Variants in JPH3 observed in about 807,000 individuals in gnomAD.
JPH3 encodes junctophilin-3.
In JPH3, 11 loss-of-function variants were observed where a neutral mutation model predicts 59.6. The ratio of observed to expected loss-of-function variants is 0.18; its 90% CI spans 0.12 to 0.31. The LOEUF (loss-of-function observed/expected upper bound fraction) is 0.31, where lower values mean the gene tolerates loss of function less well. Ranked by LOEUF, JPH3 falls within the 10% of genes least tolerant of loss-of-function variation. The pLI is 1.00. For synonymous variants in JPH3, 673 were observed against 483.6 expected (o/e 1.39, Z -5.14); for missense variants, 1,202 against 1,105.7 (o/e 1.09, Z -1.24).
chr16:87,657,277 A>G (rs4843661), intron 2 of JPH3, among the ~76,000 whole-genome samples: 36,549 of 152,244 alleles, frequency 0.24, 4,796 homozygotes, highest in East Asian at 0.37. Context: ...TGAATGAGCC[A>G]GAGAAAGTGA....
intron 2 of JPH3, chr16:87,654,638 T>G (rs4843655): frequency 0.041 from 6,203 of 152,302 alleles, 174 homozygotes; most frequent in South Asian, 0.11. Flanking sequence ...GATGCTCAGG[T>G]CATCCCTGCC....
At chr16:87,628,545 A>C (rs888446788) in intron 1 of JPH3, among the ~76,000 whole-genome samples, 19 of 152,330 alleles carry the variant, frequency 1.2e-4, no homozygotes, top group African/African-American at 4.6e-4. Context: ...TTGGAAGCAG[A>C]CATGCCTGTA....
At chr16:87,640,163 C>G (rs1167392911) in intron 1 of JPH3, among the ~76,000 whole-genome samples, 2 of 152,068 alleles carry the variant, frequency 1.3e-5, no homozygotes, top group Non-Finnish European at 2.9e-5. Flanking sequence ...CCTGTCTCTA[C>G]TAAAAACAGA....
chr16:87,631,105 T>G (rs2031551966), intron 1 of JPH3, among the ~76,000 whole-genome samples: 1 of 152,222 alleles, frequency 6.6e-6, no homozygotes. Flanking sequence ...CAGCTTGCAC[T>G]TGAGCAAACC....
chr16:87,646,094 G>A lies in JPH3; in HGVS notation c.1160+1059G>A, dbSNP rs12448745. Among the ~76,000 whole-genome samples, 399 of 152,202 alleles carry A rather than the reference G, an allele frequency of 2.6e-3. 1 individual carries two copies. The highest frequency in any genetic ancestry group is 9.0e-3 in the African/African-American group (374 of 41,512). On this transcript the variant is annotated intron_variant, in intron 2 of 4. Coordinates refer to ENST00000284262, the MANE Select transcript of JPH3 (RefSeq NM_020655.4). ...CCAGGCAGGAGGCTTCCCAGGGCAC[G>A]TTCCCCTGCGTCTTTCTGGATGGCT...
intron 1 of JPH3, among the ~76,000 whole-genome samples, chr16:87,620,464 GGGAGAGAA>G (rs1200089182): frequency 4.9e-5 from 7 of 141,680 alleles, no homozygotes; most frequent in Admixed American, 3.5e-4. Flanking sequence ...AGGAGAGAGA[GGGAGAGAA>G]GGAGAGAAGA....
chr16:87,690,401 C>T lies in JPH3; in HGVS notation c.2041C>T (p.Leu681=), dbSNP rs754263855. The change falls in exon 4 of 5, where the codon CTG becomes TTG. Residue 681 remains leucine (L), a synonymous_variant. Coordinates refer to ENST00000284262, the MANE Select transcript of JPH3 (RefSeq NM_020655.4). ...GCCCGCCGTGCAGAAACTGGCGAGC[C>T]TGCGGCTGGGCGGGGCCGAGCCCCG... ...AEPAVQKLAS[L]RLGGAEPRLL... is the part of the protein sequence containing the mutation. 41 of 1,513,126 alleles carry T rather than the reference C, an allele frequency of 2.7e-5. No individual in the cohort carries two copies. The highest frequency in any genetic ancestry group is 3.6e-5 in the Non-Finnish European group (41 of 1,132,902). 93.7% of individuals were successfully genotyped at this position (1,513,126 alleles called of 1,614,324 possible).
At chr16:87,634,176 C>T (rs996410204) in intron 1 of JPH3, among the ~76,000 whole-genome samples, 6 of 152,270 alleles carry the variant, frequency 3.9e-5, no homozygotes, top group African/African-American at 1.4e-4. Flanking sequence ...GTCTGTTGGC[C>T]AGCGCAGGGC....
chr16:87,672,892 C>G (rs1218299011), intron 2 of JPH3, among the ~76,000 whole-genome samples: 4 of 152,208 alleles, frequency 2.6e-5, no homozygotes, highest in African/African-American at 4.8e-5. Context: ...TGCCTATAAT[C>G]TCAGCACTTT....
At chr16:87,629,228 G>A (rs2025488233) in intron 1 of JPH3, among the ~76,000 whole-genome samples, 3 of 152,318 alleles carry the variant, frequency 2.0e-5, no homozygotes, top group South Asian at 2.1e-4. Context: ...TCCTTCAGAC[G>A]CGGCAGCTGG....
At chr16:87,641,176 G>T (rs1318526317) in intron 1 of JPH3, among the ~76,000 whole-genome samples, 1 of 152,238 alleles carries the variant, frequency 6.6e-6, no homozygotes, top group Non-Finnish European at 1.5e-5. Flanking sequence ...CTCTGGAAAG[G>T]TGTGCAGTGG....
chr16:87,679,149 G>C (rs576106947), intron 2 of JPH3, among the ~76,000 whole-genome samples: 1 of 152,200 alleles, frequency 6.6e-6, no homozygotes, highest in Non-Finnish European at 1.5e-5. Context: ...AGAGCTCCTC[G>C]ACCTCCTGCC....
chr16:87,616,694 A>T (rs1345224245), intron 1 of JPH3, among the ~76,000 whole-genome samples: 1 of 152,140 alleles, frequency 6.6e-6, no homozygotes, highest in African/African-American at 2.4e-5. Flanking sequence ...GACATGTCGG[A>T]ACCGGATATT....
intron 2 of JPH3, among the ~76,000 whole-genome samples, chr16:87,676,394 T>G (rs1420987558): frequency 6.6e-6 from 1 of 152,214 alleles, no homozygotes; most frequent in Non-Finnish European, 1.5e-5. Flanking sequence ...TCTTCAGGTT[T>G]ACGGTATATA....
intron 1 of JPH3, among the ~76,000 whole-genome samples, chr16:87,622,095 G>A (rs1466041012): frequency 3.8e-5 from 5 of 133,304 alleles, no homozygotes; most frequent in African/African-American, 1.4e-4. Context: ...GGAGCTCCAG[G>A]TGTCAGGGGG....
chr16:87,603,177 G>A lies in JPH3; in HGVS notation c.31G>A (p.Asp11Asn). The change falls in exon 1 of 5, where the codon GAC becomes AAC. Residue 11 changes from aspartate (D) to asparagine (N), a missense_variant. Transcript: ENST00000284262. MSSGGRFNFD[D>N]GGSYCGGWED... The stretch of plus-strand genomic sequence containing the variant: ...CAGTGGGGGCAGGTTTAATTTTGAC[G>A]ACGGAGGGTCCTACTGTGGAGGCTG... 2 of 1,614,002 alleles carry A rather than the reference G, an allele frequency of 1.2e-6. No individual in the cohort carries two copies. The highest frequency in any genetic ancestry group is 1.3e-5 in the African/African-American group (1 of 75,060).
chr16:87,629,711 C>T (rs8045991), intron 1 of JPH3, among the ~76,000 whole-genome samples: 25,477 of 150,920 alleles, frequency 0.17, 2,438 homozygotes, highest in Non-Finnish European at 0.22. Flanking sequence ...ACAGGCGGAG[C>T]CCGGGGGATT....
chr16:87,649,650 C>T (rs1222054250), intron 2 of JPH3, among the ~76,000 whole-genome samples: 2 of 152,208 alleles, frequency 1.3e-5, no homozygotes, highest in Admixed American at 6.5e-5. Flanking sequence ...CCCCACCCGC[C>T]GTGGAAACCA....
chr16:87,609,357 C>T (rs2030649353), intron 1 of JPH3, among the ~76,000 whole-genome samples: 1 of 152,210 alleles, frequency 6.6e-6, no homozygotes, highest in South Asian at 2.1e-4. Context: ...ACCTCTGCCT[C>T]CTGGGCTCAA....
Sources: allele counts gnomAD v4.1 joint callset (sites outside exome capture counted in the v4.1 genomes callset), GRCh38; gene constraint gnomAD v4.1.1; transcripts MANE v1.5; gene names NCBI Gene and HGNC (gene_info 2026-07-23, HGNC 2026-07-21).